Variants in FARP2 observed in about 807,000 individuals in gnomAD.
FARP2 encodes FERM, ARH/RhoGEF and pleckstrin domain protein 2.
Under a neutral mutation model 130.5 loss-of-function variants are expected in FARP2, and 111 were observed. The ratio of observed to expected loss-of-function variants is 0.85; its 90% CI spans 0.73 to 1.00. The LOEUF is 1.00. Ranked by LOEUF, FARP2 falls within the 50% of genes least tolerant of loss-of-function variation. FARP2 has a pLI of 0.00. For synonymous variants in FARP2, 504 were observed against 516.9 expected, an observed-to-expected ratio of 0.98 and a Z score of 0.34; for missense variants, 1,385 against 1,346.3, an observed-to-expected ratio of 1.03 and a Z score of -0.45.
intron 1 of FARP2, among the ~76,000 whole-genome samples, chr2:241,363,965 A>G (rs2061248640): frequency 6.6e-6 from 1 of 152,244 alleles, no homozygotes; most frequent in South Asian, 2.1e-4. Context: ...GAATTATCTG[A>G]TAGACTGTGG....
rs374344087 is a variant in FARP2 at position 241,411,150 on chromosome 2, C to T, written c.508+20C>T. The T allele has an allele frequency of 2.1e-5, 33 of 1,552,594 alleles. No homozygotes were observed. In the African/African-American group the frequency reaches 2.2e-4, roughly 10 times the overall value. On this transcript the variant is annotated intron_variant, in intron 6 of 26. Coordinates refer to ENST00000264042, the MANE Select transcript of FARP2 (RefSeq NM_014808.4). Reference sequence around the variant, plus strand: ...TGCAGTGTGAGTATCTCCCCGCCAGCGGGGAGCATTCACTGACCATGGCAC... The same window carrying T: ...TGCAGTGTGAGTATCTCCCCGCCAGTGGGGAGCATTCACTGACCATGGCAC...
chr2:241,379,513 A>G (rs986929231), intron 2 of FARP2, among the ~76,000 whole-genome samples: 1 of 152,188 alleles, frequency 6.6e-6, no homozygotes, highest in Non-Finnish European at 1.5e-5. Context: ...TTTCTTTAGA[A>G]TTGCAGAGGC....
At chr2:241,441,729 G>A in intron 13 of FARP2, 173 bp downstream of exon 13, 1 of 979,390 alleles carries the variant, frequency 1.0e-6, no homozygotes. Flanking sequence ...CCGGTGGGGA[G>A]CACCGGTGTG....
intron 13 of FARP2, among the ~76,000 whole-genome samples, chr2:241,452,299 G>A (rs887913385): frequency 2.0e-5 from 3 of 152,112 alleles, no homozygotes; most frequent in East Asian, 3.9e-4. Context: ...TGTTCCCCAG[G>A]GATAAATGCA....
At chr2:241,405,771 T>C (rs1246678118) in intron 4 of FARP2, among the ~76,000 whole-genome samples, 1 of 151,954 alleles carries the variant, frequency 6.6e-6, no homozygotes, top group African/African-American at 2.4e-5. Flanking sequence ...CTGTCTCTAC[T>C]AAAAATACAA....
intron 2 of FARP2, among the ~76,000 whole-genome samples, chr2:241,373,595 C>G (rs1218821024): frequency 6.6e-6 from 1 of 152,166 alleles, no homozygotes; most frequent in Non-Finnish European, 1.5e-5. Context: ...CCAGACCTTC[C>G]CAGCTTAAGC....
chr2:241,471,651 G>A (rs1332939202), intron 18 of FARP2, among the ~76,000 whole-genome samples: 2 of 151,714 alleles, frequency 1.3e-5, no homozygotes, highest in Admixed American at 1.3e-4. Context: ...CCGACACCAC[G>A]CCTGTCTAAT....
At chr2:241,493,707 G>C in intron 26 of FARP2, 1 of 524,928 alleles carries the variant, frequency 1.9e-6, no homozygotes, top group East Asian at 3.2e-5. Context: ...CGATTCTTCT[G>C]CCTCAGCCTC....
Position 241,463,443 on chromosome 2 carries a change from G to A in FARP2, c.1786G>A (p.Glu596Lys), listed in dbSNP as rs762207836. Residue 596 changes from glutamate to lysine, a missense_variant, in exon 16 of 27, where the codon GAG becomes AAG. Physicochemically the swap from Glu to Lys is moderately conservative, Grantham distance 56 (BLOSUM62 1). Transcript: ENST00000264042. ...TGAGTTCCACAGAGGCTTCCTGCGC[G>A]AGGTGGAGCAGAGGCTGGCACTCTG... is the stretch of plus-strand genomic sequence containing the variant. ...IYEFHRGFLREVEQRLALWEG... is the reference protein window; with the variant it reads ...IYEFHRGFLRKVEQRLALWEG... 7.4e-6 allele frequency: 12 copies of A among 1,613,850 alleles called. No homozygotes were observed. The highest frequency in any genetic ancestry group is 1.6e-4 in the Middle Eastern group (1 of 6,084).
chr2:241,480,858 T>C (rs2064596477), intron 19 of FARP2, among the ~76,000 whole-genome samples: 1 of 152,090 alleles, frequency 6.6e-6, no homozygotes, highest in African/African-American at 2.4e-5. Context: ...AACTTCATTC[T>C]TTTGCATGTG....
At chr2:241,483,407 A>G in intron 19 of FARP2, 58 bp from the exon 20 acceptor site, 1 of 1,424,390 alleles carries the variant, frequency 7.0e-7, no homozygotes, top group Non-Finnish European at 9.9e-7. Flanking sequence ...CAGCCCGGCT[A>G]GTGCATCCGC....
intron 2 of FARP2, among the ~76,000 whole-genome samples, chr2:241,374,532 A>T (rs2061491904): frequency 6.6e-6 from 1 of 152,108 alleles, no homozygotes; most frequent in Non-Finnish European, 1.5e-5. Flanking sequence ...CAAAACTATT[A>T]TTGAGCTGTG....
In FARP2 at chr2:241,441,549, T is replaced by C. The variant is rs2063384426; in HGVS notation, c.1404T>C (p.Pro468=). The C allele has an allele frequency of 6.2e-7, 1 of 1,614,002 alleles. No individual in the cohort carries two copies. The highest frequency in any genetic ancestry group is 2.2e-5 in the East Asian group (1 of 44,878). ...CCCTCGGGCCCCCCGCACTCCAGCC[T>C]GGTCCAGGTGTCGGGTTTTGTCATG... ...AQPLGPPALQ[P]GPGLSTKSPQ... is the part of the protein sequence containing the mutation. The change falls in exon 13 of 27, where the codon CCT becomes CCC. Residue 468 remains proline, a synonymous_variant. Transcript: ENST00000264042.
chr2:241,468,439 G>C, intron 18 of FARP2, 62 bp downstream of exon 18: 4 of 1,307,858 alleles, frequency 3.1e-6, no homozygotes, highest in East Asian at 2.3e-5. Context: ...GGCAGGGGCG[G>C]CTTTGCCAGA....
Position 241,436,488 on chromosome 2 carries a change from A to G in FARP2, c.1108A>G (p.Ser370Gly), listed in dbSNP as rs1450782895. 2 of 1,614,226 alleles carry G rather than the reference A, an allele frequency of 1.2e-6. No homozygotes were observed. Among genetic ancestry groups the G allele is most frequent in the Non-Finnish European group, 1.7e-6 (2 of 1,180,028 alleles). The change falls in exon 12 of 27, where the codon AGC becomes GGC. Residue 370 changes from serine (S) to glycine (G), a missense_variant. Coordinates refer to ENST00000264042, the MANE Select transcript of FARP2 (RefSeq NM_014808.4). The stretch of plus-strand genomic sequence containing the variant: ...TCGTCCTCTGTTTTGCAGAAGGCAC[A>G]GCAAGACCCACACGTCCGTTCGAGC... Reference protein sequence around the residue: ...MKRIPYERRHSKTHTSVRALT... With the variant: ...MKRIPYERRHGKTHTSVRALT...
rs771924814 is a variant in FARP2 at position 241,366,352 on chromosome 2, T to A, written c.-24-6732T>A. On this transcript the variant is annotated intron_variant, in intron 1 of 26. Transcript: ENST00000264042. The stretch of plus-strand genomic sequence containing the variant: ...CAGATTCACTTCAGCTCCTAAAACT[T>A]CTGCTTTTCAGTTTGTAGAATTTTG... Among the ~76,000 whole-genome samples the A allele has an allele frequency of 5.9e-5, 9 of 151,628 alleles. 1 individual carries two copies. The highest frequency in any genetic ancestry group is 1.2e-4 in the Non-Finnish European group (8 of 67,982).
chr2:241,466,694 C>CA, intron 17 of FARP2: 1 of 689,462 alleles, frequency 1.5e-6, no homozygotes, highest in Non-Finnish European at 1.8e-6. Context: ...CAACCACCCC[C>CA]CCCCCCACCA....
chr2:241,391,645 C>T lies in FARP2; in HGVS notation c.184-12183C>T, dbSNP rs952412336. ...TCAAGTAGGCAGCTAGCAGAATAGA[C>T]GCCAAGTGAACCTCCATTTAATGAC... is the stretch of plus-strand genomic sequence containing the variant. On this transcript the variant is annotated intron_variant, in intron 2 of 26. Transcript: ENST00000264042. 4.6e-5 allele frequency among the ~76,000 whole-genome samples: 7 copies of T among 152,174 alleles called. No homozygotes were observed. In the East Asian group the frequency reaches 5.8e-4, roughly 13 times the overall value.
chr2:241,383,321 A>G (rs913315606), intron 2 of FARP2, among the ~76,000 whole-genome samples: 3 of 152,234 alleles, frequency 2.0e-5, no homozygotes, highest in Non-Finnish European at 4.4e-5. Context: ...AGCAGGAGAC[A>G]TGGAGCTGCG....
Sources: gnomAD v4.1 joint callset for allele counts (sites outside exome capture counted in the v4.1 genomes callset) on GRCh38, gnomAD v4.1.1 for gene constraint, MANE v1.5 for transcripts, NCBI Gene and HGNC (gene_info 2026-07-23, HGNC 2026-07-21) for gene names.